The following EIF3H variants were observed in gnomAD, a reference collection of about 807,000 sequenced individuals.
EIF3H encodes the protein eukaryotic translation initiation factor 3 subunit H.
In EIF3H, 26 loss-of-function variants were observed where a neutral mutation model predicts 44.2. That is an observed-to-expected ratio of 0.59 (90% CI 0.43 to 0.82). The LOEUF (loss-of-function observed/expected upper bound fraction) is 0.82, where lower values mean the gene tolerates loss of function less well. EIF3H is among the 40% of genes least tolerant of loss of function. EIF3H has a pLI of 0.00. For missense variants in EIF3H, 359 were observed against 432.8 expected, an observed-to-expected ratio of 0.83 and a Z score of 1.51; for synonymous variants, 166 against 151.9, an observed-to-expected ratio of 1.09 and a Z score of -0.68.
At chr8:116,646,702 GA>G (rs1813307846) in intron 6 of EIF3H, 99 bp from the exon 7 acceptor site, 4 of 1,461,996 alleles carry the variant, frequency 2.7e-6, no homozygotes, top group Admixed American at 2.1e-5. Context: ...CCACTGCTCT[GA>G]ATTCCAACCT....
At chr8:116,716,831 A>G (rs1302337658) in intron 2 of EIF3H, among the ~76,000 whole-genome samples, 1 of 152,018 alleles carries the variant, frequency 6.6e-6, no homozygotes, top group African/African-American at 2.4e-5. Flanking sequence ...ATTTATTAAC[A>G]TTTCACTTTT....
chr8:116,699,832 T>TG (rs1814340146), intron 2 of EIF3H, among the ~76,000 whole-genome samples: 1 of 152,004 alleles, frequency 6.6e-6, no homozygotes, highest in Non-Finnish European at 1.5e-5. Flanking sequence ...TTGTTTGAGA[T>TG]GGAGTTTCGC....
At chr8:116,746,802 A>C (rs747014685) in intron 1 of EIF3H, among the ~76,000 whole-genome samples, 33 of 152,240 alleles carry the variant, frequency 2.2e-4, no homozygotes, top group Admixed American at 7.8e-4. Context: ...TGCATAACGA[A>C]TTTAATCCTC....
At chr8:116,668,595 T>C (rs1813704097) in intron 2 of EIF3H, among the ~76,000 whole-genome samples, 1 of 152,178 alleles carries the variant, frequency 6.6e-6, no homozygotes, top group South Asian at 2.1e-4. Flanking sequence ...GGTACCAGAC[T>C]ACTCTGAATC....
chr8:116,730,086 T>C (rs561267398), intron 1 of EIF3H, among the ~76,000 whole-genome samples: 1 of 152,362 alleles, frequency 6.6e-6, no homozygotes, highest in African/African-American at 2.4e-5. Context: ...TGACATTTTA[T>C]GATCGTCCTA....
At chr8:116,649,075 ATC>A in intron 5 of EIF3H, 149 bp from the exon 6 acceptor site, 1 of 617,792 alleles carries the variant, frequency 1.6e-6, no homozygotes, top group Non-Finnish European at 2.5e-6. Flanking sequence ...AGAGGAAAAA[ATC>A]TGAGTCAACT....
At chr8:116,674,893 T>C in intron 2 of EIF3H, among the ~76,000 whole-genome samples, 1 of 143,026 alleles carries the variant, frequency 7.0e-6, no homozygotes, top group South Asian at 2.3e-4. Context: ...AAAAAAGTTG[T>C]TTTTTTTTAG....
chr8:116,736,597 G>C (rs1053638914), intron 1 of EIF3H, among the ~76,000 whole-genome samples: 2 of 152,142 alleles, frequency 1.3e-5, no homozygotes, highest in Non-Finnish European at 2.9e-5. Flanking sequence ...GGGAGGCAGA[G>C]TTTGCAGGGA....
At chr8:116,658,652 A>G in intron 3 of EIF3H, 161 bp downstream of exon 3, 3 of 596,576 alleles carry the variant, frequency 5.0e-6, no homozygotes, top group Non-Finnish European at 8.2e-6. Flanking sequence ...AGAAAGAAGG[A>G]AACCCTGTCT....
intron 2 of EIF3H, among the ~76,000 whole-genome samples, chr8:116,719,960 G>T (rs1814717219): frequency 6.6e-6 from 1 of 152,056 alleles, no homozygotes; most frequent in Non-Finnish European, 1.5e-5. Context: ...GAAAAACCAT[G>T]GTATTTGGAA....
At chr8:116,693,849 T>C (rs1240548706) in intron 2 of EIF3H, among the ~76,000 whole-genome samples, 1 of 152,068 alleles carries the variant, frequency 6.6e-6, no homozygotes, top group Admixed American at 6.6e-5. Flanking sequence ...CTATTTTGTG[T>C]AGAGTCGGGG....
At chr8:116,707,243 G>T (rs190128946) in intron 2 of EIF3H, among the ~76,000 whole-genome samples, 9 of 152,126 alleles carry the variant, frequency 5.9e-5, no homozygotes, top group Non-Finnish European at 1.3e-4. Flanking sequence ...GTCCACATAC[G>T]TATTACACTG....
At chr8:116,734,310 T>A in intron 1 of EIF3H, 1 of 456,042 alleles carries the variant, frequency 2.2e-6, no homozygotes, top group Non-Finnish European at 4.4e-6. Context: ...TCTGAGAGGA[T>A]ACCTGACCAG....
chr8:116,727,980 C>A (rs563811076), intron 1 of EIF3H, among the ~76,000 whole-genome samples: 1 of 152,170 alleles, frequency 6.6e-6, no homozygotes, highest in South Asian at 2.1e-4. Flanking sequence ...TACTTGATAG[C>A]CTCTTATGGA....
At chr8:116,712,633 A>C (rs897987503) in intron 2 of EIF3H, among the ~76,000 whole-genome samples, 2 of 152,220 alleles carry the variant, frequency 1.3e-5, no homozygotes, top group African/African-American at 4.8e-5. Context: ...TGAAAACACA[A>C]TTCTGAAACT....
At chr8:116,663,561 C>G (rs192137257) in intron 2 of EIF3H, among the ~76,000 whole-genome samples, 6 of 152,212 alleles carry the variant, frequency 3.9e-5, no homozygotes, top group Admixed American at 3.9e-4. Flanking sequence ...TAGAAAAGAA[C>G]CTTTTAGGCA....
At chr8:116,736,014 T>C (rs1237478268) in intron 1 of EIF3H, among the ~76,000 whole-genome samples, 1 of 152,204 alleles carries the variant, frequency 6.6e-6, no homozygotes, top group Non-Finnish European at 1.5e-5. Context: ...ATTAGGGATG[T>C]TCAACCTGTA....
At chr8:116,671,146 C>T (rs1037549229) in intron 2 of EIF3H, among the ~76,000 whole-genome samples, 6 of 152,178 alleles carry the variant, frequency 3.9e-5, no homozygotes, top group Non-Finnish European at 8.8e-5. Flanking sequence ...AAATAAACAT[C>T]TAGGAAAGCA....
chr8:116,752,727 A>G (rs1166286659), intron 1 of EIF3H, among the ~76,000 whole-genome samples: 12 of 118,842 alleles, frequency 1.0e-4, no homozygotes, highest in Non-Finnish European at 1.7e-4. Flanking sequence ...AAAGAAAGAA[A>G]GAAAGAAGAG....
Sources: gnomAD v4.1 joint callset for allele counts (sites outside exome capture counted in the v4.1 genomes callset) on GRCh38, gnomAD v4.1.1 for gene constraint, MANE v1.5 for transcripts, NCBI Gene and HGNC (gene_info 2026-07-23, HGNC 2026-07-21) for gene names.